GLIS3: variants seen among roughly 807,000 people sequenced by gnomAD.
The protein encoded by GLIS3 is GLIS family zinc finger 3, also known as zinc finger protein GLIS3.
Under a neutral mutation model 78.6 loss-of-function variants are expected in GLIS3, and 53 were observed. The observed-to-expected ratio is 0.67, with a 90% CI of 0.54 to 0.85. The LOEUF is 0.85. Ranked by LOEUF, GLIS3 falls within the 40% of genes least tolerant of loss-of-function variation. GLIS3 has a pLI of 0.00. For synonymous variants in GLIS3, 684 were observed against 509.9 expected, an observed-to-expected ratio of 1.34 and a Z score of -4.60; for missense variants, 1,703 against 1,231.1, an observed-to-expected ratio of 1.38 and a Z score of -5.74.
chr9:4,232,382 T>TAA (rs56725850), intron 2 of GLIS3, among the ~76,000 whole-genome samples: 19 of 101,656 alleles, frequency 1.9e-4, no homozygotes, highest in Middle Eastern at 4.7e-3. Flanking sequence ...CCTTGTCTCT[T>TAA]AAAAAAAAAA....
chr9:4,472,681 C>A, the GLIS3 span, among the ~76,000 whole-genome samples: 1 of 152,016 alleles, frequency 6.6e-6, no homozygotes, highest in African/African-American at 2.4e-5. Context: ...GGGTGCAGCA[C>A]ACCAACATGG....
chr9:4,133,119 T>G (rs1833098695), intron 2 of GLIS3, among the ~76,000 whole-genome samples: 1 of 152,184 alleles, frequency 6.6e-6, no homozygotes, highest in African/African-American at 2.4e-5. Context: ...CATCGTACTA[T>G]CTATCTATCT....
intron 4 of GLIS3, chr9:4,306,111 G>C (rs1487512430): frequency 1.3e-5 from 2 of 152,036 alleles, no homozygotes; most frequent in Non-Finnish European, 2.9e-5. Flanking sequence ...ATAGGATCTT[G>C]CTTTATCACC....
the GLIS3 span, among the ~76,000 whole-genome samples, chr9:4,441,119 C>A: frequency 6.6e-6 from 1 of 152,126 alleles, no homozygotes; most frequent in Admixed American, 6.5e-5. Flanking sequence ...TTTACTTCCT[C>A]CTTTCCAATT....
intron 2 of GLIS3, among the ~76,000 whole-genome samples, chr9:4,323,572 T>C (rs1322854256): frequency 1.3e-5 from 2 of 152,200 alleles, no homozygotes; most frequent in East Asian, 3.8e-4. Flanking sequence ...ACCTCTCAGA[T>C]CTCAGCTCAG....
chr9:4,446,327 C>A, the GLIS3 span, among the ~76,000 whole-genome samples: 2 of 152,084 alleles, frequency 1.3e-5, no homozygotes, highest in South Asian at 2.1e-4. Context: ...CCAGAGGCAC[C>A]ATCGATGAAG....
the GLIS3 span, among the ~76,000 whole-genome samples, chr9:4,410,081 G>A: frequency 6.6e-6 from 1 of 151,688 alleles, no homozygotes; most frequent in Non-Finnish European, 1.5e-5. Flanking sequence ...AGTGATCCTA[G>A]TGCCTCAGCC....
the GLIS3 span, among the ~76,000 whole-genome samples, chr9:4,450,048 C>T: frequency 1.3e-5 from 2 of 152,056 alleles, no homozygotes; most frequent in Admixed American, 1.3e-4. Flanking sequence ...ACAAACTTCT[C>T]CAAGCTAAAG....
intron 8 of GLIS3, among the ~76,000 whole-genome samples, chr9:3,862,363 G>A (rs1003383136): frequency 1.3e-5 from 2 of 152,178 alleles, no homozygotes; most frequent in Non-Finnish European, 2.9e-5. Flanking sequence ...AATGGCAAGT[G>A]TTGCTCAGTG....
At chr9:4,186,961 C>A (rs147440982) in intron 2 of GLIS3, among the ~76,000 whole-genome samples, 1 of 151,992 alleles carries the variant, frequency 6.6e-6, no homozygotes, top group Non-Finnish European at 1.5e-5. Context: ...TTCACTCTGA[C>A]GGTAGTTTCT....
chr9:4,293,664 C>T (rs557450950), intron 1 of GLIS3, among the ~76,000 whole-genome samples: 3 of 132,306 alleles, frequency 2.3e-5, no homozygotes, highest in South Asian at 4.5e-4. Context: ...TTTCTGTGTA[C>T]AATATTCAGC....
chr9:4,300,385 A>C (rs1029786703), upstream of GLIS3, among the ~76,000 whole-genome samples: 1 of 150,522 alleles, frequency 6.6e-6, no homozygotes, highest in African/African-American at 2.5e-5. Context: ...ATTTGATGTC[A>C]GGTCATAAAA....
intron 7 of GLIS3, among the ~76,000 whole-genome samples, chr9:3,885,369 G>A (rs1292236880): frequency 2.0e-5 from 3 of 152,232 alleles, no homozygotes; most frequent in Non-Finnish European, 4.4e-5. Context: ...GAGCTGCTTT[G>A]TAAATCTGCG....
At chr9:4,266,108 CA>C (rs1308669322) in intron 2 of GLIS3, among the ~76,000 whole-genome samples, 1 of 151,846 alleles carries the variant, frequency 6.6e-6, no homozygotes, top group Non-Finnish European at 1.5e-5. Context: ...TTAGTAGAGA[CA>C]AGGTTTCACC....
chr9:4,157,583 A>T (rs979418554), intron 2 of GLIS3, among the ~76,000 whole-genome samples: 1 of 152,206 alleles, frequency 6.6e-6, no homozygotes, highest in African/African-American at 2.4e-5. Flanking sequence ...TGGAAATAAT[A>T]TGTTATTATT....
chr9:4,235,114 C>T (rs553319086), intron 2 of GLIS3, among the ~76,000 whole-genome samples: 13 of 152,002 alleles, frequency 8.6e-5, no homozygotes, highest in African/African-American at 2.4e-4. Context: ...CTGGCTAACC[C>T]GGTGAAACTC....
At chr9:4,307,184 T>C (rs1268736664) in intron 4 of GLIS3, among the ~76,000 whole-genome samples, 1 of 152,088 alleles carries the variant, frequency 6.6e-6, no homozygotes, top group Non-Finnish European at 1.5e-5. Flanking sequence ...GTGGTGGAGG[T>C]GAGAGGAGGA....
At chr9:4,122,067 ATC>A (rs1469017941) in intron 3 of GLIS3, among the ~76,000 whole-genome samples, 2 of 152,238 alleles carry the variant, frequency 1.3e-5, no homozygotes, top group African/African-American at 4.8e-5. Flanking sequence ...AAGGAGATAT[ATC>A]TTGAACAAAA....
the GLIS3 span, among the ~76,000 whole-genome samples, chr9:4,408,408 G>A: frequency 6.8e-6 from 1 of 148,086 alleles, no homozygotes; most frequent in Non-Finnish European, 1.5e-5. Context: ...AGGGAGGAAG[G>A]TGGGGATGGT....
Sources: gnomAD v4.1 joint callset for allele counts (sites outside exome capture counted in the v4.1 genomes callset) on GRCh38, gnomAD v4.1.1 for gene constraint, MANE v1.5 for transcripts, NCBI Gene and HGNC (gene_info 2026-07-23, HGNC 2026-07-21) for gene names.